Variants in ROR1 observed in about 807,000 individuals in gnomAD.
The protein encoded by ROR1 is ROR family WNT receptor 1.
In ROR1, 19 loss-of-function variants were observed where a neutral mutation model predicts 78.8. The ratio of observed to expected loss-of-function variants is 0.24; its 90% CI spans 0.17 to 0.35. The LOEUF (loss-of-function observed/expected upper bound fraction) is 0.35, where lower values mean the gene tolerates loss of function less well. Among genes scored for constraint, ROR1 ranks in the 10% least tolerant of loss-of-function variants. The pLI is 1.00. For missense variants in ROR1, 917 were observed against 1,177.8 expected, an observed-to-expected ratio of 0.78 and a Z score of 3.24; for synonymous variants, 386 against 433.6, an observed-to-expected ratio of 0.89 and a Z score of 1.36.
At position 63,996,849 on chromosome 1, in the gene ROR1, A is replaced by G. The variant is rs115174291; in HGVS notation, c.92-12456A>G. ...TGGAGCCAGGATTGGGTGAGGAGAG[A>G]TCATGGCTATGTTCTGGCAGTTGGT... is the stretch of plus-strand genomic sequence containing the variant. On this transcript the variant is annotated intron_variant, in intron 1 of 8. Transcript: ENST00000371079. Among the ~76,000 whole-genome samples the G allele has an allele frequency of 8.7e-3, 1,323 of 152,206 alleles. 10 individuals are homozygous for G. The highest frequency in any genetic ancestry group is 0.017 in the South Asian group (81 of 4,808).
intron 1 of ROR1, among the ~76,000 whole-genome samples, chr1:63,804,123 A>T (rs1044721776): frequency 6.6e-6 from 1 of 151,604 alleles, no homozygotes; most frequent in Non-Finnish European, 1.5e-5. Flanking sequence ...GGGACTCAGG[A>T]GGGGGGCGTC....
At chr1:64,070,612 A>C (rs1429763469) in intron 4 of ROR1, among the ~76,000 whole-genome samples, 1 of 151,828 alleles carries the variant, frequency 6.6e-6, no homozygotes, top group African/African-American at 2.4e-5. Flanking sequence ...GAGCCACCAC[A>C]CCTGGCCTAT....
intron 4 of ROR1, among the ~76,000 whole-genome samples, chr1:64,080,369 C>T (rs1428168571): frequency 6.6e-6 from 1 of 152,290 alleles, no homozygotes; most frequent in East Asian, 1.9e-4. Context: ...AAGAATCAGC[C>T]AGCCCAAAAT....
chr1:63,968,602 A>G, intron 1 of ROR1, among the ~76,000 whole-genome samples: 1 of 152,162 alleles, frequency 6.6e-6, no homozygotes, highest in East Asian at 1.9e-4. Context: ...CTGCGTGGGA[A>G]ATACCTTGAC....
chr1:64,061,197 C>G (rs1355209242), intron 4 of ROR1, among the ~76,000 whole-genome samples: 1 of 152,226 alleles, frequency 6.6e-6, no homozygotes, highest in Non-Finnish European at 1.5e-5. Flanking sequence ...CTTTTCTTCA[C>G]ATATTACAAG....
chr1:63,894,913 C>T (rs1178615070), intron 1 of ROR1, among the ~76,000 whole-genome samples: 1 of 152,124 alleles, frequency 6.6e-6, no homozygotes, highest in African/African-American at 2.4e-5. Flanking sequence ...GACTAAAGAC[C>T]TTCAAATCTT....
chr1:63,905,161 T>C (rs937941386), intron 1 of ROR1, among the ~76,000 whole-genome samples: 1 of 152,108 alleles, frequency 6.6e-6, no homozygotes, highest in African/African-American at 2.4e-5. Context: ...ATGGAGCCAC[T>C]CACTGGCCAA....
At chr1:64,161,919 A>G (rs1649956534) in intron 8 of ROR1, among the ~76,000 whole-genome samples, 1 of 152,214 alleles carries the variant, frequency 6.6e-6, no homozygotes, top group African/African-American at 2.4e-5. Flanking sequence ...AAAAAGCACA[A>G]AGGACTCTGT....
At chr1:64,167,349 A>T (rs1481115293) in intron 8 of ROR1, among the ~76,000 whole-genome samples, 1 of 152,246 alleles carries the variant, frequency 6.6e-6, no homozygotes, top group East Asian at 1.9e-4. Flanking sequence ...ACTATCAGAA[A>T]GTTACGTTAT....
chr1:64,089,867 T>G (rs1277558648), intron 4 of ROR1, among the ~76,000 whole-genome samples: 1 of 152,172 alleles, frequency 6.6e-6, no homozygotes, highest in African/African-American at 2.4e-5. Flanking sequence ...TGGTGGGAGA[T>G]AATTGAATCG....
intron 1 of ROR1, among the ~76,000 whole-genome samples, chr1:63,833,801 G>T (rs920444932): frequency 6.6e-6 from 1 of 151,536 alleles, no homozygotes; most frequent in African/African-American, 2.4e-5. Context: ...TTTCTTTTGG[G>T]TGATCTAAGA....
At chr1:64,096,541 C>T (rs921975272) in intron 4 of ROR1, among the ~76,000 whole-genome samples, 2 of 152,120 alleles carry the variant, frequency 1.3e-5, no homozygotes, top group African/African-American at 2.4e-5. Flanking sequence ...CCTCCAGCTC[C>T]GTCCATGGCC....
chr1:63,939,163 C>A (rs975468412), intron 1 of ROR1, among the ~76,000 whole-genome samples: 7 of 152,152 alleles, frequency 4.6e-5, no homozygotes, highest in African/African-American at 1.7e-4. Context: ...AATTGAGAAG[C>A]AGTTGTCTTT....
rs768596459 is a variant in ROR1 at position 64,178,747 on chromosome 1, T to C, written c.2706T>C (p.Phe902=). 2 of 1,613,990 alleles carry C rather than the reference T, an allele frequency of 1.2e-6. No individual in the cohort carries two copies. Among genetic ancestry groups the C allele is most frequent in the African/African-American group, 2.7e-5 (2 of 74,892 alleles). ...NHPGGMGITV[F]GNKSQKPYKI... ...CTGGTGGAATGGGTATCACCGTTTT[T>C]GGCAACAAATCTCAAAAACCCTACA... The change falls in exon 9 of 9, where the codon TTT becomes TTC. Residue 902 remains phenylalanine (F), a synonymous_variant. Coordinates refer to ENST00000371079, the MANE Select transcript of ROR1 (RefSeq NM_005012.4). The surrounding 1 kb of genome is among the most constrained non-coding windows in gnomAD (Gnocchi z 4.3).
intron 1 of ROR1, among the ~76,000 whole-genome samples, chr1:63,929,146 T>A (rs1025406761): frequency 1.3e-5 from 2 of 152,232 alleles, no homozygotes; most frequent in Non-Finnish European, 2.9e-5. Flanking sequence ...GTGTTTTCTC[T>A]TTCTTCCCTT....
At chr1:63,912,360 C>T (rs1445602656) in intron 1 of ROR1, among the ~76,000 whole-genome samples, 4 of 151,134 alleles carry the variant, frequency 2.6e-5, no homozygotes, top group Non-Finnish European at 4.4e-5. Flanking sequence ...GGGTTTCATA[C>T]TCTATTGAGG....
chr1:64,109,678 C>T (rs948109252), intron 4 of ROR1, among the ~76,000 whole-genome samples: 2 of 152,152 alleles, frequency 1.3e-5, no homozygotes, highest in African/African-American at 4.8e-5. Context: ...CAGACACACA[C>T]CAGCATGCCC....
intron 1 of ROR1, among the ~76,000 whole-genome samples, chr1:63,819,589 C>G (rs1226814562): frequency 6.6e-6 from 1 of 152,100 alleles, no homozygotes; most frequent in Non-Finnish European, 1.5e-5. Flanking sequence ...GAGGATGCTG[C>G]TGAAAACTGA....
chr1:63,962,544 G>C (rs1333388531), intron 1 of ROR1, among the ~76,000 whole-genome samples: 2 of 152,178 alleles, frequency 1.3e-5, no homozygotes, highest in Admixed American at 6.5e-5. Flanking sequence ...GCAGAAGGAG[G>C]AGAAGAGGAC....
Sources: gnomAD v4.1 joint callset for allele counts (sites outside exome capture counted in the v4.1 genomes callset) on GRCh38, gnomAD v4.1.1 for gene constraint, Gnocchi (gnomAD v3.1) non-coding constraint, MANE v1.5 for transcripts, NCBI Gene and HGNC (gene_info 2026-07-23, HGNC 2026-07-21) for gene names.